STPG2: variants seen among roughly 807,000 people sequenced by gnomAD.
The protein encoded by STPG2 is sperm tail PG-rich repeat containing 2.
Under a neutral mutation model 54.2 loss-of-function variants are expected in STPG2, and 56 were observed. That is an observed-to-expected ratio of 1.03 (90% confidence interval 0.83 to 1.29). The LOEUF is 1.29. STPG2 is among the 50% of genes most tolerant of loss of function. The probability of loss-of-function intolerance (pLI) is 0.00; values close to 1 mark genes in which losing one functional copy is unlikely to be tolerated. For missense variants in STPG2, 596 were observed against 544.9 expected (o/e 1.09, Z -0.93); for synonymous variants, 200 against 181.8 (o/e 1.10, Z -0.81).
intron 4 of STPG2, among the ~76,000 whole-genome samples, chr4:97,549,201 C>T (rs1412036905): frequency 6.6e-6 from 1 of 152,074 alleles, no homozygotes; most frequent in Non-Finnish European, 1.5e-5. Context: ...TCTCCATCTG[C>T]AGTTAGGATA....
At position 98,055,351 on chromosome 4, in the gene STPG2, T is replaced by G. The variant is rs114297916; in HGVS notation, c.612+50602A>C. ...GGAGGGACTGAGATGACTGCCATGTTTTTTAACAGATCTTCAGAGGGAAGG... is the reference window on the plus strand; with the variant it reads ...GGAGGGACTGAGATGACTGCCATGTGTTTTAACAGATCTTCAGAGGGAAGG... On this transcript the variant is annotated intron_variant, in intron 5 of 10. Coordinates refer to ENST00000295268, the MANE Select transcript of STPG2 (RefSeq NM_174952.3). 4.5e-3 allele frequency among the ~76,000 whole-genome samples: 683 copies of G among 151,642 alleles called. 2 individuals carry two copies. Among genetic ancestry groups the G allele is most frequent in the Non-Finnish European group, 7.2e-3 (488 of 67,934 alleles).
intron 8 of STPG2, among the ~76,000 whole-genome samples, chr4:97,888,654 T>C (rs554906819): frequency 6.6e-6 from 1 of 152,320 alleles, no homozygotes; most frequent in South Asian, 2.1e-4. Flanking sequence ...TGTGTACTTT[T>C]GAGTCAATGC....
intron 10 of STPG2, among the ~76,000 whole-genome samples, chr4:97,676,012 ATT>A (rs1337538995): frequency 6.8e-6 from 1 of 146,700 alleles, no homozygotes; most frequent in African/African-American, 2.5e-5. Context: ...TACTATATAT[ATT>A]ACTAAATTTA....
At chr4:97,797,264 C>A (rs1316907140) in intron 9 of STPG2, among the ~76,000 whole-genome samples, 1 of 152,156 alleles carries the variant, frequency 6.6e-6, no homozygotes, top group African/African-American at 2.4e-5. Flanking sequence ...CTGTCTTGTG[C>A]CAGTTTTCAA....
chr4:97,452,624 G>A (rs796271245), intron 4 of STPG2, among the ~76,000 whole-genome samples: 16 of 152,306 alleles, frequency 1.1e-4, no homozygotes, highest in African/African-American at 2.6e-4. Flanking sequence ...AGCAGGAGAC[G>A]TCAAGATGAC....
intron 6 of STPG2, among the ~76,000 whole-genome samples, chr4:97,974,507 C>A (rs1734438976): frequency 6.6e-6 from 1 of 152,112 alleles, no homozygotes; most frequent in Admixed American, 6.5e-5. Context: ...CTGTCCCCAC[C>A]CAAATTTCAT....
intron 9 of STPG2, among the ~76,000 whole-genome samples, chr4:97,779,636 C>A (rs1726530914): frequency 6.6e-6 from 1 of 152,162 alleles, no homozygotes; most frequent in African/African-American, 2.4e-5. Context: ...TTGTCAGTTT[C>A]ACCAAAGTTC....
At chr4:97,694,852 T>G (rs1328770996) in intron 10 of STPG2, among the ~76,000 whole-genome samples, 5 of 56,476 alleles carry the variant, frequency 8.9e-5, no homozygotes, top group African/African-American at 1.5e-4. Flanking sequence ...AAAAAAAAAA[T>G]TAGCAACAAA....
chr4:97,450,462 A>T (rs1273798478), intron 4 of STPG2, among the ~76,000 whole-genome samples: 2 of 152,236 alleles, frequency 1.3e-5, no homozygotes. Flanking sequence ...GAAGAGGTAC[A>T]TGGAGACAAA....
intron 5 of STPG2, chr4:98,025,633 G>A: frequency 1.2e-6 from 1 of 829,574 alleles, no homozygotes; most frequent in Non-Finnish European, 2.1e-6. Flanking sequence ...CACACGAACT[G>A]CCAAAATATG....
At position 97,964,586 on chromosome 4, in the gene STPG2, A is replaced by G. The variant is rs182898527; in HGVS notation, c.933+7694T>C. Among the ~76,000 whole-genome samples, 527 of 152,314 alleles carry G rather than the reference A, an allele frequency of 3.5e-3. 2 individuals are homozygous for G. The highest frequency in any genetic ancestry group is 6.8e-3 in the Middle Eastern group (2 of 294). On this transcript the variant is annotated intron_variant, in intron 7 of 10. Transcript: ENST00000295268. Reference sequence around the variant, plus strand: ...TAAAAACCTGAAAAAACTAATATCTAAATTATAAGAATCCCACAAATATAA... The same window carrying G: ...TAAAAACCTGAAAAAACTAATATCTGAATTATAAGAATCCCACAAATATAA...
intron 8 of STPG2, among the ~76,000 whole-genome samples, chr4:97,904,110 G>T (rs539754312): frequency 5.9e-4 from 90 of 152,318 alleles, no homozygotes; most frequent in African/African-American, 2.1e-3. Context: ...AGCTGAAGGA[G>T]GCCTGCCTGC....
intron 4 of STPG2, among the ~76,000 whole-genome samples, chr4:97,493,542 G>T (rs560249221): frequency 6.6e-6 from 1 of 151,312 alleles, no homozygotes; most frequent in Non-Finnish European, 1.5e-5. Flanking sequence ...AAAAAAAAAG[G>T]GATATACAAG....
chr4:97,680,317 T>A (rs1197531617), intron 10 of STPG2, among the ~76,000 whole-genome samples: 1 of 151,536 alleles, frequency 6.6e-6, no homozygotes, highest in Non-Finnish European at 1.5e-5. Context: ...CAGTGGTTTG[T>A]AGTTCTCCTT....
At chr4:97,944,079 G>C (rs1219705489) in intron 7 of STPG2, 72 bp from the exon 8 acceptor site, 1 of 977,178 alleles carries the variant, frequency 1.0e-6, no homozygotes, top group African/African-American at 1.7e-5. Context: ...TAAATAATAA[G>C]TTTGCAATGA....
At chr4:98,082,405 C>T (rs1383778408) in intron 5 of STPG2, among the ~76,000 whole-genome samples, 1 of 111,684 alleles carries the variant, frequency 9.0e-6, no homozygotes, top group Non-Finnish European at 1.8e-5. Context: ...GGTCGCTTTT[C>T]TTCCCATCTT....
chr4:98,128,343 GGAGA>G lies in STPG2; in HGVS notation c.387+81_387+84del, dbSNP rs1442701234. 4 of 1,225,418 alleles carry G rather than the reference GGAGA, an allele frequency of 3.3e-6. No homozygotes were observed. The African/African-American group carries it at 4.7e-5, about 14-fold the overall frequency. The allele number at this position is 1,225,418 out of a possible 1,614,324, so 75.9% of individuals were successfully genotyped here. A position where few individuals can be genotyped will look rare whatever the true frequency, so the allele number is the denominator to read the frequency against. On this transcript the variant is annotated intron_variant, in intron 3 of 10. Coordinates refer to ENST00000295268, the MANE Select transcript of STPG2 (RefSeq NM_174952.3). Reference sequence around the variant, plus strand: ...TAAAACGTGTAATCATTTTTTTCTTGGAGAAATAAGCCAGGAAAAAAAGAAACCC... The same window carrying G: ...TAAAACGTGTAATCATTTTTTTCTTGAATAAGCCAGGAAAAAAAGAAACCC...
At chr4:97,863,821 CAT>C (rs1457456733) in intron 8 of STPG2, among the ~76,000 whole-genome samples, 1 of 152,072 alleles carries the variant, frequency 6.6e-6, no homozygotes, top group African/African-American at 2.4e-5. Flanking sequence ...CGTGATCCAG[CAT>C]ATATAAACAG....
intron 7 of STPG2, among the ~76,000 whole-genome samples, chr4:97,948,038 C>CT (rs70953095): frequency 0.39 from 59,845 of 151,610 alleles, 11,974 homozygotes; most frequent in Middle Eastern, 0.46. Context: ...TGATCCTGGG[C>CT]TTTTTTCTTT....
Sources: allele counts gnomAD v4.1 joint callset (sites outside exome capture counted in the v4.1 genomes callset), GRCh38; gene constraint gnomAD v4.1.1; transcripts MANE v1.5; gene names NCBI Gene and HGNC (gene_info 2026-07-23, HGNC 2026-07-21).